DMXL2: variants seen among roughly 807,000 people sequenced by gnomAD.
The protein encoded by DMXL2 is dmX-like protein 2.
Under a neutral mutation model 331.1 loss-of-function variants are expected in DMXL2, and 103 were observed. The ratio of observed to expected loss-of-function variants is 0.31; its 90% CI spans 0.27 to 0.37. The LOEUF (loss-of-function observed/expected upper bound fraction) is 0.37. Ranked by LOEUF, DMXL2 falls within the 10% of genes least tolerant of loss-of-function variation. The probability of loss-of-function intolerance (pLI) is 1.00; values close to 1 mark genes in which losing one functional copy is unlikely to be tolerated. For synonymous variants in DMXL2, 1,281 were observed against 1,252.1 expected, an observed-to-expected ratio of 1.02 and a Z score of -0.49; for missense variants, 3,171 against 3,642.9, an observed-to-expected ratio of 0.87 and a Z score of 3.33.
intron 1 of DMXL2, among the ~76,000 whole-genome samples, chr15:51,590,478 T>C (rs1595650111): frequency 6.6e-6 from 1 of 152,222 alleles, no homozygotes; most frequent in Admixed American, 6.5e-5. Flanking sequence ...TACAAGACTC[T>C]TGGAAGATTT....
intron 36 of DMXL2, 21 bp from the exon 37 acceptor site, chr15:51,457,487 T>A: frequency 6.2e-7 from 1 of 1,612,942 alleles, no homozygotes; most frequent in Non-Finnish European, 8.5e-7. Flanking sequence ...CATTCATGTG[T>A]TACTGTGAAC....
At chr15:51,469,126 T>G (rs2040862673) in intron 29 of DMXL2, among the ~76,000 whole-genome samples, 1 of 152,080 alleles carries the variant, frequency 6.6e-6, no homozygotes. Flanking sequence ...TCTGAATATG[T>G]GATAATATTA....
At position 51,474,554 on chromosome 15, in the gene DMXL2, C is replaced by T. The variant is rs761513011; in HGVS notation, c.7003G>A (p.Asp2335Asn). ...ATGTTCAGTTTTGGCTGGTCTTCAT[C>T]TTGGGCTGAACTCAAAAGATTAATA... ...SLINLLSSAQ[D>N]EDQPKLNILL... The change falls in exon 28 of 44, where the codon GAT (aspartate) becomes AAT (asparagine). Residue 2335 changes from aspartate to asparagine, a missense_variant. Around this residue, in one of 7 missense-constraint regions of DMXL2, gnomAD observed 766 missense variants for 940.5 expected, o/e 0.81. Transcript: ENST00000560891. 6.2e-7 allele frequency: 1 copy of T among 1,614,056 alleles called. No individual in the cohort carries two copies. The highest frequency in any genetic ancestry group is 8.5e-7 in the Non-Finnish European group (1 of 1,179,976).
In DMXL2 at chr15:51,481,033, C is replaced by G. The variant is rs779573472; in HGVS notation, c.6073G>C (p.Glu2025Gln). The G allele has an allele frequency of 3.7e-6, 6 of 1,614,048 alleles. No homozygotes were observed. The highest frequency in any genetic ancestry group is 4.2e-6 in the Non-Finnish European group (5 of 1,180,034). Residue 2025 changes from glutamate to glutamine, a missense_variant, in exon 24 of 44, where the codon GAA becomes CAA. By Grantham distance (29) the Glu-to-Gln change is conservative. Coordinates refer to ENST00000560891, the MANE Select transcript of DMXL2 (RefSeq NM_001378457.1). ...GTATCACCTTCAGGATCATCCTCTT[C>G]CTGAGGTGTTAATAACATGTTAGGG... ...SDPNMLLTPQ[E>Q]EDDPEGDTEV... is the part of the protein sequence containing the mutation.
At chr15:51,463,756 T>G (rs1393937771) in intron 32 of DMXL2, among the ~76,000 whole-genome samples, 1 of 152,084 alleles carries the variant, frequency 6.6e-6, no homozygotes, top group African/African-American at 2.4e-5. Context: ...AAGCTGAGAG[T>G]CAAATGAATC....
At chr15:51,600,089 T>C (rs2053121507) in intron 1 of DMXL2, among the ~76,000 whole-genome samples, 1 of 152,158 alleles carries the variant, frequency 6.6e-6, no homozygotes, top group Admixed American at 6.5e-5. Context: ...GCAATTGTGG[T>C]TTATTTGTGT....
chr15:51,587,776 G>C (rs181520358), intron 1 of DMXL2, among the ~76,000 whole-genome samples: 63 of 152,304 alleles, frequency 4.1e-4, no homozygotes, highest in African/African-American at 1.5e-3. Context: ...CCAGTTTACA[G>C]TCCCACCAGC....
intron 40 of DMXL2, among the ~76,000 whole-genome samples, chr15:51,454,910 G>A (rs2141203569): frequency 6.6e-6 from 1 of 152,192 alleles, no homozygotes; most frequent in Middle Eastern, 3.4e-3. Context: ...CACACACAGG[G>A]AAAGCCCCCA....
At chr15:51,522,578 C>T (rs976507798) in intron 13 of DMXL2, among the ~76,000 whole-genome samples, 2 of 152,004 alleles carry the variant, frequency 1.3e-5, no homozygotes, top group African/African-American at 4.8e-5. Context: ...TAGGAGGCAG[C>T]GGTTGCAGTG....
chr15:51,570,071 G>T (rs943407392), intron 2 of DMXL2, among the ~76,000 whole-genome samples: 2 of 152,142 alleles, frequency 1.3e-5, no homozygotes, highest in African/African-American at 4.8e-5. Context: ...TTGCTAATGA[G>T]AATAATCAGC....
chr15:51,525,392 T>C (rs2047613539), intron 13 of DMXL2, among the ~76,000 whole-genome samples: 1 of 152,220 alleles, frequency 6.6e-6, no homozygotes, highest in East Asian at 1.9e-4. Flanking sequence ...ACAGCACATA[T>C]ATTAAAATTG....
At chr15:51,550,875 G>T (rs1186266214) in intron 6 of DMXL2, among the ~76,000 whole-genome samples, 2 of 152,046 alleles carry the variant, frequency 1.3e-5, no homozygotes, top group Non-Finnish European at 2.9e-5. Flanking sequence ...TTAAGCCTAA[G>T]AAAAATTTAA....
intron 13 of DMXL2, 50 bp from the exon 14 acceptor site, chr15:51,517,217 T>C: frequency 1.5e-6 from 2 of 1,369,352 alleles, no homozygotes; most frequent in African/African-American, 1.4e-5. Context: ...TATAATCTAA[T>C]GTCAATATGA....
intron 17 of DMXL2, 124 bp from the exon 18 acceptor site, chr15:51,500,355 G>A: frequency 1.0e-6 from 1 of 1,004,498 alleles, no homozygotes; most frequent in Non-Finnish European, 1.4e-6. Flanking sequence ...GAATATCTCT[G>A]CAGTCTTCCT....
rs757136932 is a variant in DMXL2 at position 51,495,146 on chromosome 15, A to T, written c.4673-12T>A. ...TAATGTATCTCTTCCTGTAATTTAA[A>T]CAGGAAATATGTTTAAGGAAAAAAG... On this transcript the variant is annotated splice_polypyrimidine_tract_variant and intron_variant, in intron 18 of 43. Transcript: ENST00000560891. 9 of 1,575,962 alleles carry T rather than the reference A, an allele frequency of 5.7e-6. No individual in the cohort carries two copies. The South Asian group carries it at 1.0e-4, about 18-fold the overall frequency.
At chr15:51,618,404 T>C (rs1182039183) in intron 1 of DMXL2, among the ~76,000 whole-genome samples, 1 of 152,160 alleles carries the variant, frequency 6.6e-6, no homozygotes, top group African/African-American at 2.4e-5. Context: ...TTTTCAAGGT[T>C]TGGTGTTACC....
Position 51,605,818 on chromosome 15 carries a change from C to T in DMXL2, c.87+16641G>A, listed in dbSNP as rs76144151. On this transcript the variant is annotated intron_variant, in intron 1 of 43. Transcript: ENST00000560891. The stretch of plus-strand genomic sequence containing the variant: ...TCGGCCTCCCAAAGTGCTGGGATTA[C>T]AGGCGTGAGCCACCGCGCCCGGCCC... 1.2e-4 allele frequency among the ~76,000 whole-genome samples: 5 copies of T among 42,186 alleles called. 1 individual carries two copies. The highest frequency in any genetic ancestry group is 1.9e-4 in the Non-Finnish European group (3 of 15,694). 27.7% of individuals were successfully genotyped at this position (42,186 alleles called of 152,430 possible). A position where few individuals can be genotyped will look rare whatever the true frequency, so the allele number is the denominator to read the frequency against.
chr15:51,568,553 T>G lies in DMXL2; in HGVS notation c.219A>C (p.Ala73=), dbSNP rs1170274229. 1.3e-6 allele frequency: 2 copies of G among 1,570,612 alleles called. No individual in the cohort carries two copies. Among genetic ancestry groups the G allele is most frequent in the Non-Finnish European group, 1.7e-6 (2 of 1,166,270 alleles). ...TACAAACAGCATTACCATATGAAGC[T>G]GCAATCTAAAAAAGAATAAATACAG... is the stretch of plus-strand genomic sequence containing the variant. ...VECSNQQGRI[A]ASYGNAVCIF... is the part of the protein sequence containing the mutation. Residue 73 remains alanine (A), a synonymous_variant, in exon 3 of 44, where the codon GCA becomes GCC. Coordinates refer to ENST00000560891, the MANE Select transcript of DMXL2 (RefSeq NM_001378457.1).
intron 13 of DMXL2, among the ~76,000 whole-genome samples, chr15:51,529,226 C>T (rs35011964): frequency 0.19 from 28,280 of 151,684 alleles, 3,019 homozygotes; most frequent in Non-Finnish European, 0.24. Context: ...GCATACCAAA[C>T]CCAAAATTGG....
Sources: allele counts gnomAD v4.1 joint callset (sites outside exome capture counted in the v4.1 genomes callset), GRCh38; gene constraint gnomAD v4.1.1; regional missense constraint gnomAD v4.1.1; transcripts MANE v1.5; gene names NCBI Gene and HGNC (gene_info 2026-07-23, HGNC 2026-07-21).